IMMP2L: variants seen among roughly 807,000 people sequenced by gnomAD.
IMMP2L encodes mitochondrial inner membrane protease subunit 2.
IMMP2L carries 18 observed loss-of-function variants against 19.3 expected under a neutral mutation model. That is an observed-to-expected ratio of 0.93 (90% CI 0.64 to 1.38). The LOEUF (loss-of-function observed/expected upper bound fraction) is 1.38, where lower values mean the gene tolerates loss of function less well. Ranked by LOEUF, IMMP2L falls within the 40% of genes most tolerant of loss-of-function variation. The pLI is 0.00. For missense variants in IMMP2L, 233 were observed against 218.2 expected, an observed-to-expected ratio of 1.07 and a Z score of -0.43; for synonymous variants, 76 against 73.0, an observed-to-expected ratio of 1.04 and a Z score of -0.21.
At chr7:110,811,977 TA>T (rs1802071665) in intron 5 of IMMP2L, among the ~76,000 whole-genome samples, 1 of 152,092 alleles carries the variant, frequency 6.6e-6, no homozygotes, top group African/African-American at 2.4e-5. Flanking sequence ...CTGCTACTTC[TA>T]CCTCTATTCT....
intron 3 of IMMP2L, among the ~76,000 whole-genome samples, chr7:111,479,345 T>C (rs530943119): frequency 2.0e-5 from 3 of 152,194 alleles, no homozygotes; most frequent in Non-Finnish European, 4.4e-5. Flanking sequence ...TAATCCAGTT[T>C]TTTTCATTAT....
intron 5 of IMMP2L, among the ~76,000 whole-genome samples, chr7:110,845,615 G>C (rs1805580032): frequency 2.0e-5 from 3 of 152,068 alleles, no homozygotes; most frequent in Non-Finnish European, 2.9e-5. Context: ...CTTCTTAGTA[G>C]ATCATAGGTA....
intron 3 of IMMP2L, among the ~76,000 whole-genome samples, chr7:111,283,815 C>CA (rs1259988749): frequency 2.7e-5 from 4 of 150,830 alleles, no homozygotes; most frequent in Non-Finnish European, 4.4e-5. Flanking sequence ...ACTAAAAATA[C>CA]AAAAAATTAG....
intron 3 of IMMP2L, among the ~76,000 whole-genome samples, chr7:111,161,521 A>T (rs1389794578): frequency 6.6e-6 from 1 of 151,896 alleles, no homozygotes; most frequent in African/African-American, 2.4e-5. Flanking sequence ...ATCTGATAAA[A>T]CTGATTACTC....
chr7:111,251,462 A>C (rs377080440), intron 3 of IMMP2L, among the ~76,000 whole-genome samples: 2 of 152,318 alleles, frequency 1.3e-5, no homozygotes, highest in East Asian at 3.9e-4. Flanking sequence ...CATATGTTCC[A>C]TGCAGCACTA....
At chr7:111,284,225 G>T (rs1820240352) in intron 3 of IMMP2L, among the ~76,000 whole-genome samples, 1 of 152,004 alleles carries the variant, frequency 6.6e-6, no homozygotes, top group African/African-American at 2.4e-5. Context: ...GATATATTTT[G>T]CTCATAAACT....
intron 5 of IMMP2L, among the ~76,000 whole-genome samples, chr7:110,835,522 GA>G (rs147670082): frequency 0.18 from 28,060 of 151,992 alleles, 2,830 homozygotes; most frequent in African/African-American, 0.26. Context: ...ATAAACCAGA[GA>G]AAACAACCAG....
rs1798274993 is a variant in IMMP2L at position 110,760,279 on chromosome 7, G to A, written c.409-96558C>T. 6.6e-6 allele frequency among the ~76,000 whole-genome samples: 1 copy of A among 151,848 alleles called. No individual in the cohort carries two copies. Among genetic ancestry groups the A allele is most frequent in the Non-Finnish European group, 1.5e-5 (1 of 67,952 alleles). ...AGAGAAGTTGTTTACATCCAATATT[G>A]GACTACCCTTCACATTAAGTTTAAA... On this transcript the variant is annotated intron_variant, in intron 5 of 5. Transcript: ENST00000405709. The surrounding 1 kb of genome is among the most constrained non-coding windows in gnomAD (Gnocchi z 4.2).
intron 5 of IMMP2L, among the ~76,000 whole-genome samples, chr7:110,761,784 G>T (rs902943254): frequency 2.0e-5 from 3 of 152,192 alleles, no homozygotes; most frequent in Non-Finnish European, 2.9e-5. Flanking sequence ...TTAATTGGCA[G>T]CTTGAGCCCT....
At chr7:110,910,900 A>G (rs1812992487) in intron 4 of IMMP2L, among the ~76,000 whole-genome samples, 1 of 152,144 alleles carries the variant, frequency 6.6e-6, no homozygotes, top group African/African-American at 2.4e-5. Flanking sequence ...ATCTAGGAGA[A>G]GCCTGTATAT....
rs974048034 is a variant in IMMP2L at position 110,727,825 on chromosome 7, T to C, written c.409-64104A>G. Among the ~76,000 whole-genome samples the C allele has an allele frequency of 3.3e-5, 5 of 152,224 alleles. No individual in the cohort carries two copies. The highest frequency in any genetic ancestry group is 6.5e-5 in the Admixed American group (1 of 15,280). ...CTTATATCAAGGCGTAAGAAAAGAATTGCTTCACCGAGTGGATTTAAACAG... is the reference window on the plus strand; with the variant it reads ...CTTATATCAAGGCGTAAGAAAAGAACTGCTTCACCGAGTGGATTTAAACAG... On this transcript the variant is annotated intron_variant, in intron 5 of 5. Transcript: ENST00000405709. This position sits in a 1 kb window ranked among gnomAD's most constrained non-coding sequence, Gnocchi z 4.3.
chr7:110,874,959 G>A (rs1313461371), intron 5 of IMMP2L, among the ~76,000 whole-genome samples: 1 of 151,896 alleles, frequency 6.6e-6, no homozygotes, highest in Non-Finnish European at 1.5e-5. Context: ...AGGAAAAAGG[G>A]GACTGAAGTC....
intron 3 of IMMP2L, among the ~76,000 whole-genome samples, chr7:111,387,784 T>G (rs942931092): frequency 6.6e-6 from 1 of 151,892 alleles, no homozygotes; most frequent in Non-Finnish European, 1.5e-5. Flanking sequence ...AAGATCACCC[T>G]GGCCAACATG....
intron 3 of IMMP2L, among the ~76,000 whole-genome samples, chr7:111,268,707 C>T (rs1818122191): frequency 6.7e-6 from 1 of 149,674 alleles, no homozygotes; most frequent in Admixed American, 6.7e-5. Context: ...ATCCTCCTCC[C>T]ACCAGCCTTT....
rs115792641 is a variant in IMMP2L, at chr7:111,415,220, C to T, written c.239+72018G>A. Among the ~76,000 whole-genome samples the T allele has an allele frequency of 5.9e-3, 898 of 151,654 alleles. 32 individuals are homozygous for T. Among genetic ancestry groups the T allele is most frequent in the African/African-American group, 0.02 (830 of 41,094 alleles). On this transcript the variant is annotated intron_variant, in intron 3 of 5. Transcript: ENST00000405709. ...CTTACAGGAGGGGACCTCTAGAGAC[C>T]GAGAGCAGTCTCCAGACAAGAGCTA... is the stretch of plus-strand genomic sequence containing the variant.
intron 3 of IMMP2L, among the ~76,000 whole-genome samples, chr7:111,129,382 T>G (rs998758637): frequency 2.6e-5 from 4 of 151,158 alleles, no homozygotes; most frequent in African/African-American, 9.7e-5. Context: ...AAAATTTTTG[T>G]GAAGAATATA....
intron 5 of IMMP2L, among the ~76,000 whole-genome samples, chr7:110,817,577 A>G (rs1414930230): frequency 6.6e-6 from 1 of 152,114 alleles, no homozygotes; most frequent in Non-Finnish European, 1.5e-5. Context: ...CCGTCAAGCT[A>G]CCAATGACTT....
At chr7:110,768,026 G>C (rs965812578) in intron 5 of IMMP2L, among the ~76,000 whole-genome samples, 1 of 152,114 alleles carries the variant, frequency 6.6e-6, no homozygotes, top group Non-Finnish European at 1.5e-5. Context: ...CTGCCCATGA[G>C]GTCTGTTAAT....
chr7:111,501,491 C>T (rs1276362931), intron 2 of IMMP2L, among the ~76,000 whole-genome samples: 4 of 151,944 alleles, frequency 2.6e-5, no homozygotes, highest in Non-Finnish European at 5.9e-5. Flanking sequence ...AGATACTCCT[C>T]GAGAAGAGCA....
Sources: allele counts gnomAD v4.1 joint callset (sites outside exome capture counted in the v4.1 genomes callset), GRCh38; gene constraint gnomAD v4.1.1; non-coding constraint Gnocchi (gnomAD v3.1); transcripts MANE v1.5; gene names NCBI Gene and HGNC (gene_info 2026-07-23, HGNC 2026-07-21).